CNTRL: variants seen among roughly 807,000 people sequenced by gnomAD.
CNTRL encodes centriolin.
Under a neutral mutation model 303.7 loss-of-function variants are expected in CNTRL, and 233 were observed. That is an observed-to-expected ratio of 0.77 (90% CI 0.69 to 0.86). CNTRL has a LOEUF of 0.86. Among genes scored for constraint, CNTRL ranks in the 40% least tolerant of loss-of-function variants. The pLI, the probability that CNTRL is intolerant of heterozygous loss-of-function variation, is 0.00. For missense variants in CNTRL, 2,524 were observed against 2,650.6 expected (o/e 0.95, Z 1.05); for synonymous variants, 900 against 922.2 (o/e 0.98, Z 0.44).
chr9:121,095,386 G>A (rs943800150), intron 5 of CNTRL, among the ~76,000 whole-genome samples: 43 of 152,086 alleles, frequency 2.8e-4, no homozygotes, highest in African/African-American at 1.0e-3. Context: ...TGACCCCCAA[G>A]ATGTTCTAAT....
intron 12 of CNTRL, chr9:121,121,888 C>T: frequency 3.0e-6 from 3 of 985,314 alleles, no homozygotes; most frequent in Non-Finnish European, 2.4e-6. Context: ...CATTAGAAAG[C>T]GTTCCGCCCA....
rs908297379 is a variant in CNTRL at position 121,088,374 on chromosome 9, A to G, written c.48A>G (p.Pro16=). 9 of 1,613,668 alleles carry G rather than the reference A, an allele frequency of 5.6e-6. No individual in the cohort carries two copies. The highest frequency in any genetic ancestry group is 2.7e-5 in the African/African-American group (2 of 74,918). ...AAATATTCTCCAAAGCAAAGATACC[A>G]TCATCATCTCACTCTCCTATCCCAT... ...QQKIFSKAKI[P]SSSHSPIPSS... is the part of the protein sequence containing the mutation. Residue 16 remains proline, a synonymous_variant, in exon 3 of 44, where the codon CCA becomes CCG. Coordinates refer to ENST00000373855, the MANE Select transcript of CNTRL (RefSeq NM_007018.6).
At chr9:121,075,202 C>G (rs1231802964) in intron 1 of CNTRL, 135 bp downstream of exon 1, 1 of 333,542 alleles carries the variant, frequency 3.0e-6, no homozygotes, top group Non-Finnish European at 5.9e-6. Context: ...GGGCGCGTGT[C>G]TGGGAATTGG....
rs201565246 is a variant in CNTRL at position 121,118,439 on chromosome 9, C to T, written c.1549C>T (p.Leu517=). Residue 517 remains leucine (L), a synonymous_variant, in exon 12 of 44, where the codon CTG becomes TTG. Transcript: ENST00000373855. ...KLRQEALDLE[L]QMEKQKQEIA... ...ACGCCAGGAAGCTCTGGATCTAGAA[C>T]TGCAGATGGAAAAGCAAAAGCAGGA... The T allele has an allele frequency of 8.1e-6, 13 of 1,613,424 alleles. No homozygotes were observed. In the East Asian group the frequency reaches 2.7e-4, roughly 33 times the overall value.
At chr9:121,150,665 G>A (rs577675145) in intron 25 of CNTRL, 182 bp downstream of exon 25, 1 of 629,974 alleles carries the variant, frequency 1.6e-6, no homozygotes, top group African/African-American at 1.8e-5. Flanking sequence ...GCAGTGGCAT[G>A]TGCCTATAAT....
intron 14 of CNTRL, among the ~76,000 whole-genome samples, chr9:121,133,519 G>A (rs2050996900): frequency 6.6e-6 from 1 of 152,260 alleles, no homozygotes; most frequent in Non-Finnish European, 1.5e-5. Context: ...ATTTGGGTGA[G>A]AGTGTCCTGT....
chr9:121,149,401 GTTTTTTGT>G (rs2052079685), intron 24 of CNTRL, among the ~76,000 whole-genome samples: 2 of 110,628 alleles, frequency 1.8e-5, no homozygotes, highest in South Asian at 1.4e-3. Context: ...ACTTTTTTTT[GTTTTTTGT>G]TTTTTTTTTT....
At chr9:121,163,774 C>T (rs1467247797) in intron 34 of CNTRL, among the ~76,000 whole-genome samples, 2 of 151,612 alleles carry the variant, frequency 1.3e-5, no homozygotes, top group African/African-American at 4.8e-5. Flanking sequence ...GATAATTAAT[C>T]ATTAGAGAAA....
chr9:121,169,714 G>C lies in CNTRL; in HGVS notation c.6174G>C (p.Leu2058=). The part of the protein sequence containing the change: ...ADSMRADFSL[L]RNQFLTERKK... Reference sequence around the variant, plus strand: ...CTATGAGGGCAGACTTCAGCCTTCTGCGGAACCAGTTCTTGACAGAAAGAA... The same window carrying C: ...CTATGAGGGCAGACTTCAGCCTTCTCCGGAACCAGTTCTTGACAGAAAGAA... The change falls in exon 39 of 44, where the codon CTG becomes CTC. Residue 2058 remains leucine, a synonymous_variant. Coordinates refer to ENST00000373855, the MANE Select transcript of CNTRL (RefSeq NM_007018.6). 6.2e-7 allele frequency: 1 copy of C among 1,614,222 alleles called. No individual in the cohort carries two copies. Among genetic ancestry groups the C allele is most frequent in the Non-Finnish European group, 8.5e-7 (1 of 1,180,042 alleles).
At chr9:121,174,258 T>G (rs2053433580) in intron 42 of CNTRL, among the ~76,000 whole-genome samples, 1 of 151,942 alleles carries the variant, frequency 6.6e-6, no homozygotes, top group South Asian at 2.1e-4. Context: ...AGAGTATAGG[T>G]GGGAGGTTAC....
At chr9:121,120,379 G>T (rs1489238119) in intron 12 of CNTRL, among the ~76,000 whole-genome samples, 1 of 152,092 alleles carries the variant, frequency 6.6e-6, no homozygotes, top group Non-Finnish European at 1.5e-5. Context: ...AAGTAGTCTT[G>T]ATTATTTTAA....
At position 121,135,785 on chromosome 9, in the gene CNTRL, A is replaced by G. The variant is rs962853104; in HGVS notation, c.2026-21A>G. On this transcript the variant is annotated intron_variant, in intron 14 of 43. Coordinates refer to ENST00000373855, the MANE Select transcript of CNTRL (RefSeq NM_007018.6). Reference sequence around the variant, plus strand: ...GCAGCACAGTGAGGGTTCCATAGTTAAACCCACTGAATCTTTCTAGGAGCT... The same window carrying G: ...GCAGCACAGTGAGGGTTCCATAGTTGAACCCACTGAATCTTTCTAGGAGCT... 6 of 1,591,378 alleles carry G rather than the reference A, an allele frequency of 3.8e-6. No homozygotes were observed. In the African/African-American group the frequency reaches 6.8e-5, roughly 18 times the overall value.
intron 19 of CNTRL, 49 bp downstream of exon 19, chr9:121,142,319 C>A: frequency 6.7e-7 from 1 of 1,498,744 alleles, no homozygotes; most frequent in South Asian, 1.3e-5. Flanking sequence ...CTGCCAGTGT[C>A]CTGCCCACTG....
At chr9:121,083,938 T>C (rs2048245614) in intron 2 of CNTRL, among the ~76,000 whole-genome samples, 1 of 152,256 alleles carries the variant, frequency 6.6e-6, no homozygotes. Context: ...CGTGACTGTA[T>C]GTATTTCACA....
intron 11 of CNTRL, among the ~76,000 whole-genome samples, chr9:121,117,294 G>T (rs1368338000): frequency 1.3e-5 from 2 of 152,116 alleles, no homozygotes; most frequent in Non-Finnish European, 2.9e-5. Flanking sequence ...AGGTATTGCA[G>T]TTATGGGGAA....
At position 121,152,531 on chromosome 9, in the gene CNTRL, CAAAG is replaced by C; in HGVS notation, c.4013_4016del (p.Lys1338SerfsTer7). 1 of 1,613,910 alleles carries C rather than the reference CAAAG, an allele frequency of 6.2e-7. No individual in the cohort carries two copies. Among genetic ancestry groups the C allele is most frequent in the Non-Finnish European group, 8.5e-7 (1 of 1,179,968 alleles). On this transcript the variant is annotated frameshift_variant, in exon 26 of 44. Transcript: ENST00000373855. LOFTEE classifies it high-confidence loss of function. Reference sequence around the variant, plus strand: ...GAAGACATAATGCAGCATTTAAAATCAAAGAAGCGGGAAGAAAGGTGGATGAGAG... The same window carrying C: ...GAAGACATAATGCAGCATTTAAAATCAAGCGGGAAGAAAGGTGGATGAGAG...
At chr9:121,094,153 A>G (rs1360903027) in intron 4 of CNTRL, among the ~76,000 whole-genome samples, 5 of 144,746 alleles carry the variant, frequency 3.5e-5, no homozygotes, top group Non-Finnish European at 6.0e-5. Flanking sequence ...GAAGAAAGCT[A>G]TCTCTCTTAG....
At chr9:121,119,486 A>G (rs1232237478) in intron 12 of CNTRL, among the ~76,000 whole-genome samples, 1 of 151,152 alleles carries the variant, frequency 6.6e-6, no homozygotes, top group African/African-American at 2.4e-5. Flanking sequence ...AGTAGAGACA[A>G]GGTCTCACCA....
chr9:121,098,387 T>A lies in CNTRL; in HGVS notation c.623T>A (p.Leu208His). 6.3e-7 allele frequency: 1 copy of A among 1,594,096 alleles called. No homozygotes were observed. Among genetic ancestry groups the A allele is most frequent in the Non-Finnish European group, 8.6e-7 (1 of 1,164,098 alleles). Residue 208 changes from leucine (L) to histidine (H), a missense_variant and splice_region_variant, in exon 7 of 44, where the codon CTC becomes CAC. Coordinates refer to ENST00000373855, the MANE Select transcript of CNTRL (RefSeq NM_007018.6). ...LNLKGNKISS[L>H]QDISKLKPLQ... ...AATACTAATGTTATATCATTTCAGC[T>A]CCAAGATATAAGCAAGTTGAAACCG...
Sources: gnomAD v4.1 joint callset for allele counts (sites outside exome capture counted in the v4.1 genomes callset) on GRCh38, gnomAD v4.1.1 for gene constraint, MANE v1.5 for transcripts, NCBI Gene and HGNC (gene_info 2026-07-23, HGNC 2026-07-21) for gene names.